Variants in RBSN observed in about 807,000 individuals in gnomAD.
The protein encoded by RBSN is rabenosyn-5.
In RBSN, 34 loss-of-function variants were observed where a neutral mutation model predicts 60.5. That is an observed-to-expected ratio of 0.56 (90% CI 0.43 to 0.75). The LOEUF (loss-of-function observed/expected upper bound fraction) is 0.75. Among genes scored for constraint, RBSN ranks in the 30% least tolerant of loss-of-function variants. The probability of loss-of-function intolerance (pLI) is 0.00; values close to 1 mark genes in which losing one functional copy is unlikely to be tolerated. For synonymous variants in RBSN, 322 were observed against 366.9 expected (o/e 0.88, Z 1.40); for missense variants, 845 against 986.8 (o/e 0.86, Z 1.92).
chr3:15,078,734 T>C (rs2125158503), intron 10 of RBSN, among the ~76,000 whole-genome samples: 1 of 121,108 alleles, frequency 8.3e-6, no homozygotes, highest in South Asian at 2.6e-4. Context: ...CATTCCAGCC[T>C]AGGCGACAGA....
At position 15,073,586 on chromosome 3, in the gene RBSN, T is replaced by C. The variant is rs1015498791; in HGVS notation, c.*196A>G. 1.9e-6 allele frequency: 1 copy of C among 537,706 alleles called. No homozygotes were observed. Among genetic ancestry groups the C allele is most frequent in the Non-Finnish European group, 3.2e-6 (1 of 309,108 alleles). 33.3% of individuals were successfully genotyped at this position (537,706 alleles called of 1,614,324 possible). ...AACTGAATGCTGATTCTCCCTGTTC[T>C]AGTTTCTATTTTATTATTCAACTGT... On this transcript the variant is annotated 3_prime_UTR_variant, in exon 14 of 14. Coordinates refer to ENST00000253699, the MANE Select transcript of RBSN (RefSeq NM_022340.4).
At chr3:15,079,237 G>A (rs1030548785) in intron 10 of RBSN, among the ~76,000 whole-genome samples, 3 of 152,192 alleles carry the variant, frequency 2.0e-5, no homozygotes, top group Non-Finnish European at 4.4e-5. Context: ...GCATGGCTGT[G>A]TTCCAATAAA....
At chr3:15,094,645 C>T (rs897826081) in intron 4 of RBSN, among the ~76,000 whole-genome samples, 6 of 152,162 alleles carry the variant, frequency 3.9e-5, no homozygotes, top group Non-Finnish European at 8.8e-5. Context: ...TGTTCTATAG[C>T]CTCTACAGCC....
intron 5 of RBSN, among the ~76,000 whole-genome samples, chr3:15,089,221 T>C (rs1421154584): frequency 6.6e-6 from 1 of 151,986 alleles, no homozygotes; most frequent in African/African-American, 2.4e-5. Context: ...ATCCTGGCAC[T>C]CTGGGAGGCT....
intron 2 of RBSN, among the ~76,000 whole-genome samples, 188 bp downstream of exon 2, chr3:15,097,931 A>G (rs940062243): frequency 2.0e-5 from 3 of 152,160 alleles, no homozygotes; most frequent in Non-Finnish European, 2.9e-5. Flanking sequence ...TAGCAGCCCT[A>G]GGTCTGGCCT....
Position 15,096,152 on chromosome 3 carries a change from G to A in RBSN, c.-32C>T. ...GCCGCTCTCAACCCTAGGAAGGCAG[G>A]AATCTCATGCCAAGAGTCAGCTTGA... On this transcript the variant is annotated 5_prime_UTR_variant, in exon 4 of 14. Coordinates refer to ENST00000253699, the MANE Select transcript of RBSN (RefSeq NM_022340.4). 6.5e-7 allele frequency: 1 copy of A among 1,528,012 alleles called. No individual in the cohort carries two copies. Among genetic ancestry groups the A allele is most frequent in the Non-Finnish European group, 8.8e-7 (1 of 1,141,426 alleles). The allele number at this position is 1,528,012 out of a possible 1,614,324, so 94.7% of individuals were successfully genotyped here. A position where few individuals can be genotyped will look rare whatever the true frequency, so the allele number is the denominator to read the frequency against.
intron 1 of RBSN, among the ~76,000 whole-genome samples, chr3:15,098,803 A>G (rs2043744153): frequency 6.6e-6 from 1 of 152,140 alleles, no homozygotes; most frequent in Non-Finnish European, 1.5e-5. Flanking sequence ...ACAAGCACCC[A>G]CCCACTCCAC....
At chr3:15,080,327 C>G (rs575322182) in intron 10 of RBSN, among the ~76,000 whole-genome samples, 2 of 152,212 alleles carry the variant, frequency 1.3e-5, no homozygotes, top group East Asian at 3.9e-4. Flanking sequence ...AATGGTCATG[C>G]CTGCTTTAAG....
chr3:15,089,500 A>T (rs1006707982), intron 5 of RBSN, among the ~76,000 whole-genome samples: 2 of 149,482 alleles, frequency 1.3e-5, no homozygotes, highest in African/African-American at 4.9e-5. Flanking sequence ...ACAGATATGT[A>T]AGATTAGATA....
chr3:15,095,050 G>A (rs1356158428), intron 4 of RBSN, among the ~76,000 whole-genome samples: 5 of 151,420 alleles, frequency 3.3e-5, no homozygotes, highest in African/African-American at 1.2e-4. Context: ...CTCTCTCTCT[G>A]TTGCCCAGGT....
At chr3:15,095,095 C>G (rs1172127180) in intron 4 of RBSN, among the ~76,000 whole-genome samples, 1 of 152,048 alleles carries the variant, frequency 6.6e-6, no homozygotes, top group African/African-American at 2.4e-5. Flanking sequence ...CTCACTACAG[C>G]CTTGACCTCC....
At chr3:15,086,940 C>A (rs892147573) in intron 5 of RBSN, among the ~76,000 whole-genome samples, 1 of 152,162 alleles carries the variant, frequency 6.6e-6, no homozygotes, top group African/African-American at 2.4e-5. Context: ...TCAACCCTCC[C>A]GGCACTCAGT....
In RBSN at chr3:15,089,479, A is replaced by AAAAAAC. The variant is rs1553595705; in HGVS notation, c.289+919_289+920insGTTTTT. On this transcript the variant is annotated intron_variant, in intron 5 of 13. Transcript: ENST00000253699. ...TCCAAAAAAAAAAAAAAAAAAAAAC[A>AAAAAAC]AAAAAAAAAAACAGATATGTAAGAT... Among the ~76,000 whole-genome samples the AAAAAAC allele has an allele frequency of 8.4e-3, 873 of 103,844 alleles. 17 individuals carry two copies. Among genetic ancestry groups the AAAAAAC allele is most frequent in the Non-Finnish European group, 0.01 (616 of 59,174 alleles). 68.1% of individuals were successfully genotyped at this position (103,844 alleles called of 152,430 possible).
intron 5 of RBSN, among the ~76,000 whole-genome samples, chr3:15,089,462 AAAAAAAAAAAAAAAAC>A (rs1448646167): frequency 0.061 from 7,494 of 122,344 alleles, 781 homozygotes; most frequent in African/African-American, 0.27. Context: ...TCTCCAAAAA[AAAAAAAAAAAAAAAAC>A]AAAAAAAAAA....
chr3:15,075,692 T>A lies in RBSN; in HGVS notation c.1120A>T (p.Met374Leu), dbSNP rs1402969731. The change falls in exon 13 of 14, where the codon ATG (methionine) becomes TTG (leucine). Residue 374 changes from methionine to leucine, a missense_variant. Met to Leu is a conservative substitution (Grantham distance 15). Transcript: ENST00000253699. The part of the protein sequence containing the change: ...LFVQEKLLGL[M>L]SLPTKEQFEE... ...AACTGTTCTTTGGTTGGCAGTGACA[T>A]CAAACCAAGCAACTTTTCCTGCAGG... 1.2e-6 allele frequency: 2 copies of A among 1,614,006 alleles called. No individual in the cohort carries two copies. The highest frequency in any genetic ancestry group is 1.7e-6 in the Non-Finnish European group (2 of 1,180,002).
chr3:15,080,918 T>C, intron 9 of RBSN, 116 bp from the exon 10 acceptor site: 2 of 836,344 alleles, frequency 2.4e-6, no homozygotes, highest in Admixed American at 5.0e-5. Flanking sequence ...AACACATTAA[T>C]TGTTGTTATC....
In RBSN at chr3:15,096,243, GC is replaced by G; in HGVS notation, c.-124del. 1 of 1,068,780 alleles carries G rather than the reference GC, an allele frequency of 9.4e-7. No homozygotes were observed. The highest frequency in any genetic ancestry group is 2.3e-5 in the South Asian group (1 of 42,668). 66.2% of individuals were successfully genotyped at this position (1,068,780 alleles called of 1,614,324 possible). On this transcript the variant is annotated 5_prime_UTR_variant, in exon 4 of 14. The change abolishes the stop of an existing upstream ORF in the 5' untranslated region. Transcript: ENST00000253699. The stretch of plus-strand genomic sequence containing the variant: ...GCAGCACACAGATGGTGAGGAAGTG[GC>G]TTCATGGCCCTGGATGAGGTTTCCT...
chr3:15,077,691 C>T lies in RBSN; in HGVS notation c.998+384G>A, dbSNP rs1435378177. ...CTTGAGCACAGACACAAAGAAAGAA[C>T]CTGAGTTTCTATCTTCACTCCACAA... On this transcript the variant is annotated intron_variant, in intron 11 of 13. Transcript: ENST00000253699. This position sits in a 1 kb window ranked among gnomAD's most constrained non-coding sequence, Gnocchi z 4.4. Among the ~76,000 whole-genome samples the T allele has an allele frequency of 6.6e-6, 1 of 152,140 alleles. No homozygotes were observed. The highest frequency in any genetic ancestry group is 1.9e-4 in the East Asian group (1 of 5,186).
intron 12 of RBSN, among the ~76,000 whole-genome samples, chr3:15,076,598 G>A (rs904696080): frequency 1.3e-5 from 2 of 152,194 alleles, no homozygotes; most frequent in African/African-American, 4.8e-5. Flanking sequence ...AGGTTAGTCT[G>A]CCCTTAATCG....
Sources: allele counts gnomAD v4.1 joint callset (sites outside exome capture counted in the v4.1 genomes callset), GRCh38; gene constraint gnomAD v4.1.1; non-coding constraint Gnocchi (gnomAD v3.1); transcripts MANE v1.5; gene names NCBI Gene and HGNC (gene_info 2026-07-23, HGNC 2026-07-21).